Variants in CFAP54 observed in about 807,000 individuals in gnomAD.
The protein encoded by CFAP54 is cilia and flagella associated protein 54, also known as cilia- and flagella-associated protein 54.
CFAP54 carries 290 observed loss-of-function variants against 370.4 expected under a neutral mutation model. That is an observed-to-expected ratio of 0.78 (90% CI 0.71 to 0.86). The LOEUF (loss-of-function observed/expected upper bound fraction) is 0.86. Ranked by LOEUF, CFAP54 falls within the 40% of genes least tolerant of loss-of-function variation. The probability of loss-of-function intolerance (pLI) is 0.00; values close to 1 mark genes in which losing one functional copy is unlikely to be tolerated. For missense variants in CFAP54, 3,399 were observed against 3,528.7 expected (o/e 0.96, Z 0.93); for synonymous variants, 1,206 against 1,236.5 (o/e 0.98, Z 0.52).
chr12:96,647,749 A>T, intron 33 of CFAP54, 126 bp from the exon 34 acceptor site: 1 of 807,936 alleles, frequency 1.2e-6, no homozygotes, highest in Non-Finnish European at 1.8e-6. Context: ...TAAGTGACAA[A>T]ACCCTTCATG....
intron 22 of CFAP54, among the ~76,000 whole-genome samples, chr12:96,588,900 T>C (rs1351363312): frequency 6.6e-6 from 1 of 152,256 alleles, no homozygotes; most frequent in African/African-American, 2.4e-5. Context: ...AAACATATAA[T>C]GTCTTCTTGG....
At chr12:96,594,874 G>A (rs1956161247) in intron 25 of CFAP54, among the ~76,000 whole-genome samples, 1 of 152,130 alleles carries the variant, frequency 6.6e-6, no homozygotes, top group Non-Finnish European at 1.5e-5. Flanking sequence ...AAAAAGGGTA[G>A]CTGAGACCTG....
chr12:96,601,505 G>A (rs375427530), intron 26 of CFAP54, among the ~76,000 whole-genome samples: 3 of 152,278 alleles, frequency 2.0e-5, no homozygotes, highest in Admixed American at 6.5e-5. Flanking sequence ...TTTTTCTATT[G>A]ATTGGAATAG....
At chr12:96,759,455 A>G (rs1203388310) in intron 58 of CFAP54, among the ~76,000 whole-genome samples, 1 of 152,208 alleles carries the variant, frequency 6.6e-6, no homozygotes, top group Non-Finnish European at 1.5e-5. Flanking sequence ...TCCTTACAAT[A>G]TGATCATTAT....
chr12:96,663,087 T>G (rs1222014209), intron 38 of CFAP54, among the ~76,000 whole-genome samples: 1 of 152,148 alleles, frequency 6.6e-6, no homozygotes, highest in Non-Finnish European at 1.5e-5. Context: ...AAAGATCCGT[T>G]TAAGGAAGCT....
chr12:96,743,567 G>A lies in CFAP54; in HGVS notation c.7377+8G>A. Reference sequence around the variant, plus strand: ...ATCATGACAAACCTTCAGGTAGAAAGGAAACTTTGTTCGTATTTATAGTCA... The same window carrying A: ...ATCATGACAAACCTTCAGGTAGAAAAGAAACTTTGTTCGTATTTATAGTCA... On this transcript the variant is annotated splice_region_variant and intron_variant, in intron 53 of 67. Coordinates refer to ENST00000524981, the MANE Select transcript of CFAP54 (RefSeq NM_001306084.2). The A allele has an allele frequency of 6.2e-7, 1 of 1,613,764 alleles. No individual in the cohort carries two copies. The highest frequency in any genetic ancestry group is 1.1e-5 in the South Asian group (1 of 91,026).
chr12:96,585,398 T>G (rs1394223754), intron 22 of CFAP54, among the ~76,000 whole-genome samples: 1 of 152,176 alleles, frequency 6.6e-6, no homozygotes, highest in Non-Finnish European at 1.5e-5. Context: ...ACTCTAGCTG[T>G]TCCTTCTGCA....
intron 55 of CFAP54, among the ~76,000 whole-genome samples, chr12:96,746,427 A>G (rs1014756805): frequency 3.9e-5 from 6 of 152,100 alleles, no homozygotes; most frequent in Non-Finnish European, 8.8e-5. Flanking sequence ...TCTTGAGTTC[A>G]TCACCAAGGA....
intron 60 of CFAP54, among the ~76,000 whole-genome samples, chr12:96,779,865 GT>G (rs1298860046): frequency 6.6e-6 from 1 of 151,922 alleles, no homozygotes; most frequent in East Asian, 1.9e-4. Flanking sequence ...GGCCCTCAGT[GT>G]TGCCAGCTAT....
intron 58 of CFAP54, among the ~76,000 whole-genome samples, chr12:96,759,414 G>T (rs1399450649): frequency 1.3e-5 from 2 of 152,072 alleles, no homozygotes. Flanking sequence ...ACATAAAGAA[G>T]TTAGAATCTG....
intron 17 of CFAP54, among the ~76,000 whole-genome samples, chr12:96,558,431 TTAAG>T (rs1955778034): frequency 6.6e-6 from 1 of 152,106 alleles, no homozygotes; most frequent in Non-Finnish European, 1.5e-5. Flanking sequence ...GATAAACAAA[TTAAG>T]TAAAGTTGCA....
intron 15 of CFAP54, 149 bp from the exon 16 acceptor site, chr12:96,554,033 T>C (rs1489826068): frequency 1.3e-5 from 6 of 461,138 alleles, no homozygotes; most frequent in African/African-American, 2.0e-5. Flanking sequence ...CACAGATAAA[T>C]ACATGTAGTT....
At chr12:96,856,255 G>T (rs1959701212) in intron 66 of CFAP54, among the ~76,000 whole-genome samples, 1 of 152,174 alleles carries the variant, frequency 6.6e-6, no homozygotes. Context: ...ACTTGCCCTG[G>T]AGCATAAATT....
chr12:96,729,567 C>A (rs945231961), intron 50 of CFAP54, among the ~76,000 whole-genome samples: 4 of 152,146 alleles, frequency 2.6e-5, no homozygotes, highest in Non-Finnish European at 5.9e-5. Flanking sequence ...TGGGAGTGAC[C>A]CGATTTTCCA....
chr12:96,559,412 A>G (rs905676283), intron 17 of CFAP54, among the ~76,000 whole-genome samples: 4 of 152,170 alleles, frequency 2.6e-5, no homozygotes, highest in African/African-American at 9.7e-5. Context: ...AAAGTTAAAA[A>G]TTAAAAAGTT....
intron 67 of CFAP54, among the ~76,000 whole-genome samples, chr12:96,863,710 G>A (rs566581037): frequency 1.3e-5 from 2 of 152,252 alleles, no homozygotes; most frequent in Admixed American, 1.3e-4. Context: ...ATGGAAGGGG[G>A]TCCCCCATGT....
chr12:96,784,286 C>A (rs970436298), intron 60 of CFAP54, among the ~76,000 whole-genome samples: 30 of 152,068 alleles, frequency 2.0e-4, no homozygotes, highest in African/African-American at 7.2e-4. Context: ...ATTTTGGTGT[C>A]TATCAGTTCC....
intron 26 of CFAP54, among the ~76,000 whole-genome samples, chr12:96,602,873 T>G (rs1186606622): frequency 6.6e-6 from 1 of 152,224 alleles, no homozygotes; most frequent in Non-Finnish European, 1.5e-5. Context: ...ATGGGTCTCC[T>G]GAATACAGCA....
intron 26 of CFAP54, among the ~76,000 whole-genome samples, chr12:96,606,492 T>A (rs951857382): frequency 1.3e-5 from 2 of 152,248 alleles, no homozygotes; most frequent in African/African-American, 4.8e-5. Flanking sequence ...AATAGTTAAC[T>A]AAATTTATTT....
Sources: gnomAD v4.1 joint callset for allele counts (sites outside exome capture counted in the v4.1 genomes callset) on GRCh38, gnomAD v4.1.1 for gene constraint, MANE v1.5 for transcripts, NCBI Gene and HGNC (gene_info 2026-07-23, HGNC 2026-07-21) for gene names.